CNTNAP5: variants seen among roughly 807,000 people sequenced by gnomAD.
CNTNAP5 encodes the protein contactin associated protein family member 5, also known as contactin-associated protein-like 5.
A neutral mutation model predicts 150.2 loss-of-function variants in CNTNAP5; 72 were observed. That is an observed-to-expected ratio of 0.48 (90% CI 0.40 to 0.58). The LOEUF (loss-of-function observed/expected upper bound fraction) is 0.58. CNTNAP5 is among the 20% of genes least tolerant of loss of function. The pLI is 0.00. For missense variants in CNTNAP5, 1,636 were observed against 1,626.2 expected, an observed-to-expected ratio of 1.01 and a Z score of -0.10; for synonymous variants, 672 against 619.8, an observed-to-expected ratio of 1.08 and a Z score of -1.25.
chr2:124,381,649 TG>T (rs1259969046), intron 3 of CNTNAP5, among the ~76,000 whole-genome samples: 2 of 151,900 alleles, frequency 1.3e-5, no homozygotes, highest in Admixed American at 1.3e-4. Context: ...AGTGGGGAAA[TG>T]AAAGGCTTTG....
At chr2:124,585,104 G>T (rs892350795) in intron 11 of CNTNAP5, among the ~76,000 whole-genome samples, 1 of 152,242 alleles carries the variant, frequency 6.6e-6, no homozygotes, top group Non-Finnish European at 1.5e-5. Flanking sequence ...TAACCTGTCA[G>T]TGGCTTAGCA....
intron 19 of CNTNAP5, among the ~76,000 whole-genome samples, chr2:124,811,306 C>A (rs1682213394): frequency 2.0e-5 from 3 of 152,024 alleles, no homozygotes; most frequent in Non-Finnish European, 4.4e-5. Flanking sequence ...AAAATAACTG[C>A]ATGTGAGGAG....
chr2:124,191,647 G>C (rs2104695461), intron 1 of CNTNAP5, among the ~76,000 whole-genome samples: 1 of 152,310 alleles, frequency 6.6e-6, no homozygotes, highest in Non-Finnish European at 1.5e-5. Flanking sequence ...TGGGCCCAGT[G>C]GCTCATGCCT....
At chr2:124,265,449 A>G (rs760161612) in intron 3 of CNTNAP5, among the ~76,000 whole-genome samples, 2 of 152,036 alleles carry the variant, frequency 1.3e-5, no homozygotes, top group Non-Finnish European at 2.9e-5. Flanking sequence ...CCACTTTAAC[A>G]TCATCATTCC....
At chr2:124,180,248 C>A (rs1558789657) in intron 1 of CNTNAP5, among the ~76,000 whole-genome samples, 1 of 152,122 alleles carries the variant, frequency 6.6e-6, no homozygotes. Context: ...AGTGAAGAAG[C>A]AAAGATTTTA....
intron 5 of CNTNAP5, among the ~76,000 whole-genome samples, chr2:124,444,890 C>T: frequency 6.6e-6 from 1 of 152,108 alleles, no homozygotes; most frequent in East Asian, 1.9e-4. Flanking sequence ...TTTCACAGCA[C>T]CGCACTCTGC....
chr2:124,269,545 C>G (rs1474010102), intron 3 of CNTNAP5, among the ~76,000 whole-genome samples: 3 of 152,096 alleles, frequency 2.0e-5, no homozygotes, highest in African/African-American at 7.2e-5. Context: ...TGGGAGAGAA[C>G]AGCCATGATA....
chr2:124,555,389 G>A (rs530523152), intron 10 of CNTNAP5, among the ~76,000 whole-genome samples: 8 of 152,182 alleles, frequency 5.3e-5, no homozygotes, highest in East Asian at 1.9e-4. Context: ...GCCTCTATGC[G>A]TGGAAGCTCA....
At chr2:124,219,681 T>C (rs188236185) in intron 1 of CNTNAP5, among the ~76,000 whole-genome samples, 6 of 152,286 alleles carry the variant, frequency 3.9e-5, no homozygotes, top group Admixed American at 3.9e-4. Flanking sequence ...AAAACAGGCA[T>C]ACGTACATGC....
chr2:124,027,812 T>C (rs532623870), intron 1 of CNTNAP5, among the ~76,000 whole-genome samples: 1 of 152,204 alleles, frequency 6.6e-6, no homozygotes, highest in African/African-American at 2.4e-5. Context: ...TTATTAATGA[T>C]CATTATGCTG....
intron 21 of CNTNAP5, among the ~76,000 whole-genome samples, chr2:124,895,379 A>G (rs1188940993): frequency 6.6e-6 from 1 of 151,586 alleles, no homozygotes; most frequent in Non-Finnish European, 1.5e-5. Flanking sequence ...TAATCCCAGC[A>G]CTTTAGAATT....
chr2:124,707,734 C>A (rs946556296), intron 13 of CNTNAP5, among the ~76,000 whole-genome samples: 1 of 152,100 alleles, frequency 6.6e-6, no homozygotes. Flanking sequence ...CTTTCTATTT[C>A]TGTAAAATGG....
chr2:124,496,131 T>G (rs1395886133), intron 7 of CNTNAP5, among the ~76,000 whole-genome samples: 1 of 151,870 alleles, frequency 6.6e-6, no homozygotes, highest in East Asian at 1.9e-4. Flanking sequence ...AGAGAACTGC[T>G]AAATAGAGAA....
intron 13 of CNTNAP5, among the ~76,000 whole-genome samples, chr2:124,711,276 TA>T (rs1275107358): frequency 6.9e-6 from 1 of 145,230 alleles, no homozygotes; most frequent in East Asian, 2.1e-4. Flanking sequence ...ATCTCAAAAA[TA>T]AAAAATAATA....
intron 13 of CNTNAP5, among the ~76,000 whole-genome samples, chr2:124,686,421 A>T (rs545163046): frequency 1.2e-3 from 185 of 152,244 alleles, no homozygotes; most frequent in Non-Finnish European, 2.0e-3. Flanking sequence ...GGGTAGGAGG[A>T]TACTTTGTGG....
intron 2 of CNTNAP5, among the ~76,000 whole-genome samples, chr2:124,232,668 AC>A (rs1360219563): frequency 6.6e-6 from 1 of 152,106 alleles, no homozygotes; most frequent in Non-Finnish European, 1.5e-5. Flanking sequence ...ATATTCATCT[AC>A]GCAATTGGTT....
intron 13 of CNTNAP5, among the ~76,000 whole-genome samples, chr2:124,649,828 A>T (rs1678282295): frequency 6.6e-6 from 1 of 152,218 alleles, no homozygotes; most frequent in South Asian, 2.1e-4. Context: ...CTGGTACATA[A>T]TAGGTATTCA....
intron 1 of CNTNAP5, among the ~76,000 whole-genome samples, chr2:124,034,848 A>C (rs575421215): frequency 1.2e-4 from 19 of 152,308 alleles, no homozygotes; most frequent in African/African-American, 4.6e-4. Context: ...AAGTTGAGAG[A>C]GCCACATTAC....
chr2:124,711,704 G>T (rs1233287024), intron 13 of CNTNAP5, among the ~76,000 whole-genome samples: 1 of 152,088 alleles, frequency 6.6e-6, no homozygotes, highest in African/African-American at 2.4e-5. Flanking sequence ...AGCCAGGCAG[G>T]GTGGCACGTG....
Sources: allele counts gnomAD v4.1 joint callset (sites outside exome capture counted in the v4.1 genomes callset), GRCh38; gene constraint gnomAD v4.1.1; transcripts MANE v1.5; gene names NCBI Gene and HGNC (gene_info 2026-07-23, HGNC 2026-07-21).